Variants in SOX13 observed in about 807,000 individuals in gnomAD.
SOX13 encodes the protein transcription factor SOX-13.
A neutral mutation model predicts 71.8 loss-of-function variants in SOX13; 28 were observed. The ratio of observed to expected loss-of-function variants is 0.39; its 90% CI spans 0.29 to 0.53. The LOEUF is 0.53. Among genes scored for constraint, SOX13 ranks in the 20% least tolerant of loss-of-function variants. The pLI, the probability that SOX13 is intolerant of heterozygous loss-of-function variation, is 0.70. For synonymous variants in SOX13, 309 were observed against 317.8 expected (o/e 0.97, Z 0.29); for missense variants, 627 against 810.3 (o/e 0.77, Z 2.75).
At chr1:204,078,201 T>A (rs931962049) in intron 1 of SOX13, 2 of 152,072 alleles carry the variant, frequency 1.3e-5, no homozygotes, top group African/African-American at 4.8e-5. Context: ...GGCTCTGGGG[T>A]TTTCTGTTGC....
intron 1 of SOX13, among the ~76,000 whole-genome samples, chr1:204,102,971 C>A (rs1188312888): frequency 6.6e-6 from 1 of 152,130 alleles, no homozygotes; most frequent in Non-Finnish European, 1.5e-5. Flanking sequence ...TCCGGAAGAG[C>A]TGGGCTGGCT....
intron 1 of SOX13, among the ~76,000 whole-genome samples, chr1:204,096,685 G>C (rs947971340): frequency 1.0e-4 from 15 of 150,606 alleles, no homozygotes; most frequent in Middle Eastern, 3.7e-3. Flanking sequence ...AAAGTGCTGG[G>C]ATTATATGCA....
Position 204,123,310 on chromosome 1 carries a change from G to A in SOX13, c.1231+102G>A, listed in dbSNP as rs1344816268. 5 of 948,214 alleles carry A rather than the reference G, an allele frequency of 5.3e-6. No homozygotes were observed. In the Admixed American group the frequency reaches 8.7e-5, roughly 16 times the overall value. The allele number at this position is 948,214 out of a possible 1,614,324, so 58.7% of individuals were successfully genotyped here. On this transcript the variant is annotated intron_variant, in intron 11 of 13. Transcript: ENST00000367204. The surrounding 1 kb of genome is among the most constrained non-coding windows in gnomAD (Gnocchi z 5.0). ...TCTGATCTCTTCCCTCCCTTGGTCT[G>A]TTGGGTCCTTTCCAGGTGTGTGTGC...
In SOX13 at chr1:204,073,842, A is replaced by AT. The variant is rs1655724284; in HGVS notation, c.-2+131_-2+132insT. ...TTCCCTGCGAGTTTCCACCCTGTGC[A>AT]AAGTTTTTCGAGGAGAGACGGACCC... On this transcript the variant is annotated intron_variant, in intron 1 of 13. Coordinates refer to ENST00000367204, the MANE Select transcript of SOX13 (RefSeq NM_005686.3). The surrounding 1 kb of genome is among the most constrained non-coding windows in gnomAD (Gnocchi z 6.8). The AT allele has an allele frequency of 6.6e-6, 1 of 152,236 alleles. No homozygotes were observed. The highest frequency in any genetic ancestry group is 1.5e-5 in the Non-Finnish European group (1 of 68,110). The allele number at this position is 152,236 out of a possible 1,614,324, so 9.4% of individuals were successfully genotyped here. A position where few individuals can be genotyped will look rare whatever the true frequency, so the allele number is the denominator to read the frequency against.
chr1:204,078,881 T>TA (rs949879494), intron 1 of SOX13, among the ~76,000 whole-genome samples: 1 of 152,224 alleles, frequency 6.6e-6, no homozygotes, highest in Non-Finnish European at 1.5e-5. Context: ...GACTGCTTTT[T>TA]AAAAAATGCA....
At position 204,102,666 on chromosome 1, in the gene SOX13, A is replaced by C. The variant is rs114210139; in HGVS notation, c.-1-10249A>C. On this transcript the variant is annotated intron_variant, in intron 1 of 13. Coordinates refer to ENST00000367204, the MANE Select transcript of SOX13 (RefSeq NM_005686.3). ...GCGGGCCCTGGTGTTCTGCAGGTGCATGTCTTCTGCTTGTTTGACCATGTG... is the reference window on the plus strand; with the variant it reads ...GCGGGCCCTGGTGTTCTGCAGGTGCCTGTCTTCTGCTTGTTTGACCATGTG... Among the ~76,000 whole-genome samples the C allele has an allele frequency of 7.0e-3, 1,051 of 150,202 alleles. 14 individuals are homozygous for C. Among genetic ancestry groups the C allele is most frequent in the African/African-American group, 0.024 (994 of 40,758 alleles).
intron 1 of SOX13, among the ~76,000 whole-genome samples, chr1:204,077,839 T>A (rs543313192): frequency 2.0e-5 from 3 of 152,224 alleles, no homozygotes; most frequent in Admixed American, 6.5e-5. Context: ...TGAGATAGAC[T>A]CTTACTCTGT....
rs116256223 is a variant in SOX13, at chr1:204,084,335, G to T, written c.-2+10624G>T. Among the ~76,000 whole-genome samples the T allele has an allele frequency of 9.1e-3, 1,379 of 152,254 alleles. 18 individuals are homozygous for T. Among genetic ancestry groups the T allele is most frequent in the African/African-American group, 0.032 (1,311 of 41,544 alleles). ...AGCCTCTCCCAGGCAGCTGTGGGGG[G>T]TGCAGGATTGCTAGGGCCAACTGCA... On this transcript the variant is annotated intron_variant, in intron 1 of 13. Coordinates refer to ENST00000367204, the MANE Select transcript of SOX13 (RefSeq NM_005686.3).
chr1:204,103,068 C>T (rs1372842161), intron 1 of SOX13, among the ~76,000 whole-genome samples: 1 of 152,230 alleles, frequency 6.6e-6, no homozygotes, highest in Admixed American at 6.5e-5. Flanking sequence ...AGGGCTCTTT[C>T]TCCTTACCTC....
At chr1:204,114,215 A>C (rs931164442) in intron 2 of SOX13, 106 bp from the exon 3 acceptor site, 20 of 676,244 alleles carry the variant, frequency 3.0e-5, no homozygotes, top group Non-Finnish European at 3.6e-5. Context: ...TAGGACTTGG[A>C]TAGGGCTGGG....
Position 204,124,509 on chromosome 1 carries a change from C to T in SOX13, c.1376-132C>T, listed in dbSNP as rs1311571311. The T allele has an allele frequency of 5.4e-6, 4 of 741,714 alleles. No homozygotes were observed. The African/African-American group carries it at 7.0e-5, about 13-fold the overall frequency. The allele number at this position is 741,714 out of a possible 1,614,324, so 45.9% of individuals were successfully genotyped here. ...AGGAGCACCCGTATCGGGCCAGGCC[C>T]TTGCTAAGTGCTTGCACATATATTA... On this transcript the variant is annotated intron_variant, in intron 12 of 13. Transcript: ENST00000367204.
chr1:204,101,758 T>C (rs1296513931), intron 1 of SOX13, among the ~76,000 whole-genome samples: 3 of 152,086 alleles, frequency 2.0e-5, no homozygotes, highest in Non-Finnish European at 4.4e-5. Context: ...AGGTTAAGTC[T>C]CAAGTATTCA....
intron 1 of SOX13, among the ~76,000 whole-genome samples, chr1:204,097,704 A>T (rs556822941): frequency 6.6e-6 from 1 of 151,584 alleles, no homozygotes; most frequent in Non-Finnish European, 1.5e-5. Context: ...AAAAAAAAAA[A>T]AAAAGAAAAG....
chr1:204,108,548 GCTGGGATTT>G (rs1208313750), intron 1 of SOX13, among the ~76,000 whole-genome samples: 1 of 152,258 alleles, frequency 6.6e-6, no homozygotes, highest in African/African-American at 2.4e-5. Context: ...TGTGGCTGCT[GCTGGGATTT>G]CTGGGCTGCA....
intron 4 of SOX13, among the ~76,000 whole-genome samples, 162 bp downstream of exon 4, chr1:204,114,767 G>A (rs893395126): frequency 6.6e-6 from 1 of 152,074 alleles, no homozygotes; most frequent in Non-Finnish European, 1.5e-5. Flanking sequence ...TCGCCTGGAG[G>A]CCCCAAGCAT....
chr1:204,124,988 T>C, intron 13 of SOX13, 131 bp downstream of exon 13: 1 of 680,014 alleles, frequency 1.5e-6, no homozygotes. Context: ...CGTACGTGTG[T>C]GTGTTATCTG....
At chr1:204,096,265 G>C (rs1393448455) in intron 1 of SOX13, among the ~76,000 whole-genome samples, 13 of 87,240 alleles carry the variant, frequency 1.5e-4, no homozygotes, top group African/African-American at 6.1e-4. Flanking sequence ...TTTGCGACAG[G>C]GTCTCACTCT....
chr1:204,106,140 T>G (rs1178510477), intron 1 of SOX13, among the ~76,000 whole-genome samples: 2 of 152,238 alleles, frequency 1.3e-5, no homozygotes, highest in African/African-American at 2.4e-5. Context: ...CAACGGGGTC[T>G]TTAAATCCAA....
intron 4 of SOX13, 38 bp downstream of exon 4, chr1:204,114,643 C>T (rs778201286): frequency 1.3e-6 from 2 of 1,486,200 alleles, no homozygotes; most frequent in East Asian, 4.5e-5. Context: ...TGTTTGAACC[C>T]CATCTCTCTT....
Sources: allele counts gnomAD v4.1 joint callset (sites outside exome capture counted in the v4.1 genomes callset), GRCh38; gene constraint gnomAD v4.1.1; non-coding constraint Gnocchi (gnomAD v3.1); transcripts MANE v1.5; gene names NCBI Gene and HGNC (gene_info 2026-07-23, HGNC 2026-07-21).